Variants in NAALADL1 observed in about 807,000 individuals in gnomAD.
NAALADL1 encodes N-acetylated alpha-linked acidic dipeptidase like 1.
In NAALADL1, 77 loss-of-function variants were observed where a neutral mutation model predicts 82.8. The ratio of observed to expected loss-of-function variants is 0.93; its 90% CI spans 0.77 to 1.12. The LOEUF (loss-of-function observed/expected upper bound fraction) is 1.12, where lower values mean the gene tolerates loss of function less well. Ranked by LOEUF, NAALADL1 falls within the 50% of genes most tolerant of loss-of-function variation. The probability of loss-of-function intolerance (pLI) is 0.00; values close to 1 mark genes in which losing one functional copy is unlikely to be tolerated. For missense variants in NAALADL1, 956 were observed against 964.0 expected (o/e 0.99, Z 0.11); for synonymous variants, 358 against 399.2 (o/e 0.90, Z 1.23).
intron 4 of NAALADL1, among the ~76,000 whole-genome samples, chr11:65,056,997 G>A (rs937783883): frequency 2.6e-5 from 4 of 152,210 alleles, no homozygotes; most frequent in Non-Finnish European, 4.4e-5. Context: ...GATTATAGGC[G>A]TGAGCCACAG....
rs557669437 is a variant in NAALADL1, at chr11:65,053,699, T to C, written c.993-123A>G. 1.2e-6 allele frequency: 1 copy of C among 838,226 alleles called. No homozygotes were observed. The highest frequency in any genetic ancestry group is 1.8e-5 in the South Asian group (1 of 55,512). 51.9% of individuals were successfully genotyped at this position (838,226 alleles called of 1,614,324 possible). A position where few individuals can be genotyped will look rare whatever the true frequency, so the allele number is the denominator to read the frequency against. On this transcript the variant is annotated intron_variant, in intron 6 of 17. Coordinates refer to ENST00000358658, the MANE Select transcript of NAALADL1 (RefSeq NM_005468.3). The surrounding 1 kb of genome is among the most constrained non-coding windows in gnomAD (Gnocchi z 4.3). ...GCAAGGCCATTCATTGGCCCCGAAG[T>C]ACCAAGAGAGGCAGCAAGGCTGGAG... is the stretch of plus-strand genomic sequence containing the variant.
intron 11 of NAALADL1, 86 bp downstream of exon 11, chr11:65,047,895 C>A: frequency 7.8e-7 from 1 of 1,280,072 alleles, no homozygotes; most frequent in South Asian, 1.4e-5. Context: ...GTACCACTCC[C>A]CAGCCCCGCC....
intron 13 of NAALADL1, among the ~76,000 whole-genome samples, chr11:65,047,048 T>TGTGA (rs1946749467): frequency 1.5e-5 from 2 of 137,884 alleles, no homozygotes; most frequent in South Asian, 5.1e-4. Flanking sequence ...ATCTTACAAC[T>TGTGA]GGTTGGAAGC....
At position 65,047,564 on chromosome 11, in the gene NAALADL1, A is replaced by G. The variant is rs1214807729; in HGVS notation, c.1510T>C (p.Leu504=). ...TCGCTGCCAGCACCCAGAGAACCCA[A>G]GCTGCGGGAAGGAAGGGGGCCGGGA... The part of the protein sequence containing the change: ...SSPVYGLVPS[L]GSLGAGSDYA... The change falls in exon 13 of 18, where the codon TTG becomes CTG. Residue 504 remains leucine (L), a splice_region_variant and synonymous_variant. Transcript: ENST00000358658. The G allele has an allele frequency of 3.2e-6, 5 of 1,572,234 alleles. No homozygotes were observed. The highest frequency in any genetic ancestry group is 1.3e-5 in the African/African-American group (1 of 74,146).
Position 65,058,001 on chromosome 11 carries a change from T to C in NAALADL1, c.359-5A>G. The C allele has an allele frequency of 6.2e-7, 1 of 1,614,108 alleles. No homozygotes were observed. Among genetic ancestry groups the C allele is most frequent in the Non-Finnish European group, 8.5e-7 (1 of 1,179,978 alleles). ...TGATGCCCCCAGTGGGGCCCACTGT[T>C]GGAGGGGTGGCAGTATCATGGCTGG... is the stretch of plus-strand genomic sequence containing the variant. On this transcript the variant is annotated splice_polypyrimidine_tract_variant and splice_region_variant and intron_variant, in intron 2 of 17. Coordinates refer to ENST00000358658, the MANE Select transcript of NAALADL1 (RefSeq NM_005468.3).
chr11:65,051,418 C>T (rs149447440), intron 8 of NAALADL1, among the ~76,000 whole-genome samples: 2 of 142,644 alleles, frequency 1.4e-5, no homozygotes, highest in East Asian at 4.1e-4. Flanking sequence ...CTTACTGCAG[C>T]CTCAACCTCC....
chr11:65,053,308 C>T lies in NAALADL1; in HGVS notation c.1108G>A (p.Asp370Asn), dbSNP rs774906637. 57 of 1,563,668 alleles carry T rather than the reference C, an allele frequency of 3.6e-5. No homozygotes were observed. The change falls in exon 8 of 18, where the codon GAC becomes AAC. Residue 370 changes from aspartate to asparagine, a missense_variant. Transcript: ENST00000358658. This position sits in a 1 kb window ranked among gnomAD's most constrained non-coding sequence, Gnocchi z 4.3. ...DRYVLYGNHRDSWVHGAVDPS... is the reference protein window; with the variant it reads ...DRYVLYGNHRNSWVHGAVDPS... ...TCCACAGCCCCGTGCACCCAGCTGT[C>T]TCGGTGGTTCCCATACAGCACGTAG...
chr11:65,045,505 G>C, intron 17 of NAALADL1, 48 bp from the exon 18 acceptor site: 1 of 1,526,194 alleles, frequency 6.6e-7, no homozygotes, highest in South Asian at 1.3e-5. Flanking sequence ...TCAGGGGCCA[G>C]GAAAGAGAAG....
rs1946989350 is a variant in NAALADL1, at chr11:65,054,692, G to A, written c.650C>T (p.Thr217Ile). The change falls in exon 5 of 18, where the codon ACA (threonine) becomes ATA (isoleucine). Residue 217 changes from threonine to isoleucine, a missense_variant. Thr to Ile is a moderately conservative substitution (Grantham distance 89). Transcript: ENST00000358658. The surrounding 1 kb of genome is among the most constrained non-coding windows in gnomAD (Gnocchi z 4.3). ...KHGVAGVLVY[T>I]DPADINDGLS... is the part of the protein sequence containing the mutation. ...CCCATCGTTGATGTCGGCAGGGTCTGTGTACACCAGCACCCCAGCTACCCC... is the reference window on the plus strand; with the variant it reads ...CCCATCGTTGATGTCGGCAGGGTCTATGTACACCAGCACCCCAGCTACCCC... The A allele has an allele frequency of 5.0e-6, 8 of 1,614,130 alleles. No homozygotes were observed. The highest frequency in any genetic ancestry group is 4.2e-6 in the Non-Finnish European group (5 of 1,180,030).
intron 8 of NAALADL1, among the ~76,000 whole-genome samples, chr11:65,050,226 C>G (rs1430212733): frequency 1.3e-5 from 2 of 151,734 alleles, no homozygotes; most frequent in African/African-American, 2.4e-5. Context: ...CGCCTGTAAT[C>G]CCAGCACTTT....
At position 65,047,704 on chromosome 11, in the gene NAALADL1, TAGATGCTCAGGTCGCC is replaced by T. The variant is rs1002914066; in HGVS notation, c.1435_1450del (p.Gly479ThrfsTer92). On this transcript the variant is annotated frameshift_variant, in exon 12 of 18. Transcript: ENST00000358658. LOFTEE classifies it high-confidence loss of function. The stretch of plus-strand genomic sequence containing the variant: ...GTTGAAGTACCGGATCCAGTTGTCG[TAGATGCTCAGGTCGCC>T]AGGGCCTGGTGAGCGGATCTGGCCG... 1.2e-6 allele frequency: 2 copies of T among 1,607,608 alleles called. No homozygotes were observed. Among genetic ancestry groups the T allele is most frequent in the African/African-American group, 1.3e-5 (1 of 74,718 alleles).
rs1198669296 is a variant in NAALADL1 at position 65,053,646 on chromosome 11, C to T, written c.993-70G>A. ...TGCCCCCGACCCAGTGCAGGAGACA[C>T]TGAGGCCCGGAGCTGGAAAGTGACG... On this transcript the variant is annotated intron_variant, in intron 6 of 17. Coordinates refer to ENST00000358658, the MANE Select transcript of NAALADL1 (RefSeq NM_005468.3). The surrounding 1 kb of genome is among the most constrained non-coding windows in gnomAD (Gnocchi z 4.3). 1 of 1,364,430 alleles carries T rather than the reference C, an allele frequency of 7.3e-7. No individual in the cohort carries two copies. The highest frequency in any genetic ancestry group is 1.0e-6 in the Non-Finnish European group (1 of 999,512). The allele number at this position is 1,364,430 out of a possible 1,614,324, so 84.5% of individuals were successfully genotyped here.
Position 65,058,155 on chromosome 11 carries a change from A to C in NAALADL1, c.281T>G (p.Leu94Arg), listed in dbSNP as rs536362910. ...LQRWKDPESG[L>R]DSAEASTYEV... is the part of the protein sequence containing the mutation. ...GTACGTGGAGGCCTCGGCCGAGTCC[A>C]GGCCTGACTCTGGGTCCTTCCAGCG... The change falls in exon 2 of 18, where the codon CTG becomes CGG. Residue 94 changes from leucine (L) to arginine (R), a missense_variant. Physicochemically the swap from Leu to Arg is moderately radical, Grantham distance 102. Transcript: ENST00000358658. The C allele has an allele frequency of 2.0e-5, 33 of 1,613,898 alleles. No homozygotes were observed. The Admixed American group carries it at 5.2e-4, about 25-fold the overall frequency.
rs1286718677 is a variant in NAALADL1, at chr11:65,054,340, G to A, written c.902C>T (p.Thr301Ile). 2 of 1,614,120 alleles carry A rather than the reference G, an allele frequency of 1.2e-6. No homozygotes were observed. Among genetic ancestry groups the A allele is most frequent in the Non-Finnish European group, 1.7e-6 (2 of 1,180,010 alleles). Residue 301 changes from threonine (T) to isoleucine (I), a missense_variant, in exon 6 of 18, where the codon ACT (threonine) becomes ATT (isoleucine). By Grantham distance (89) the Thr-to-Ile change is moderately conservative. Transcript: ENST00000358658. This position sits in a 1 kb window ranked among gnomAD's most constrained non-coding sequence, Gnocchi z 4.3. ...ARDLLCNLNG[T>I]LAPATWQGAL... ...TCCCTGCCAGGTGGCTGGGGCCAAAGTTCCGTTGAGGTTACTGGGGAGGAG... is the reference window on the plus strand; with the variant it reads ...TCCCTGCCAGGTGGCTGGGGCCAAAATTCCGTTGAGGTTACTGGGGAGGAG...
intron 13 of NAALADL1, 35 bp downstream of exon 13, chr11:65,047,440 G>C: frequency 6.5e-7 from 1 of 1,531,202 alleles, no homozygotes; most frequent in Non-Finnish European, 8.8e-7. Context: ...CATGCAGCAA[G>C]GTACCGAGGC....
Position 65,046,356 on chromosome 11 carries a change from C to A in NAALADL1, c.1688G>T (p.Ser563Ile), listed in dbSNP as rs752010865. 1.9e-6 allele frequency: 3 copies of A among 1,614,134 alleles called. No homozygotes were observed. Among genetic ancestry groups the A allele is most frequent in the Non-Finnish European group, 2.5e-6 (3 of 1,180,060 alleles). ...YVDKFLDPGF[S>I]SHQAVARTAG... ...TGTCCGGGCCACAGCCTGATGGCTGCTGAAGCCTGCGGCAAGGTGACAAGG... is the reference window on the plus strand; with the variant it reads ...TGTCCGGGCCACAGCCTGATGGCTGATGAAGCCTGCGGCAAGGTGACAAGG... The change falls in exon 15 of 18, where the codon AGC (serine) becomes ATC (isoleucine). Residue 563 changes from serine (S) to isoleucine (I), a missense_variant. Physicochemically the swap from Ser to Ile is moderately radical, Grantham distance 142. Coordinates refer to ENST00000358658, the MANE Select transcript of NAALADL1 (RefSeq NM_005468.3).
chr11:65,047,983 CTT>C lies in NAALADL1; in HGVS notation c.1412_1413del (p.Lys471ArgfsTer61), dbSNP rs771323857. On this transcript the variant is annotated frameshift_variant, in exon 11 of 18. Transcript: ENST00000358658. LOFTEE classifies it high-confidence loss of function. Reference sequence around the variant, plus strand: ...CCGCCCGGCCTGCCCCCTTCCACCTCTTTGGTTGCAGAGAAGACGACGCTCTG... The same window carrying C: ...CCGCCCGGCCTGCCCCCTTCCACCTCTGGTTGCAGAGAAGACGACGCTCTG... ...PVQSVVFSAT[K>X]EIRSPGPGDL... The C allele has an allele frequency of 1.9e-6, 3 of 1,610,150 alleles. No homozygotes were observed. Among genetic ancestry groups the C allele is most frequent in the East Asian group, 4.5e-5 (2 of 44,680 alleles).
chr11:65,046,345 C>T lies in NAALADL1; in HGVS notation c.1699G>A (p.Ala567Thr). The T allele has an allele frequency of 6.2e-7, 1 of 1,614,262 alleles. No individual in the cohort carries two copies. The highest frequency in any genetic ancestry group is 8.5e-7 in the Non-Finnish European group (1 of 1,180,052). ...FLDPGFSSHQ[A>T]VARTAGSVIL... ...ACACTCCCCGCTGTCCGGGCCACAGCCTGATGGCTGCTGAAGCCTGCGGCA... is the reference window on the plus strand; with the variant it reads ...ACACTCCCCGCTGTCCGGGCCACAGTCTGATGGCTGCTGAAGCCTGCGGCA... The change falls in exon 15 of 18, where the codon GCT becomes ACT. Residue 567 changes from alanine to threonine, a missense_variant. Physicochemically the swap from Ala to Thr is moderately conservative, Grantham distance 58. Transcript: ENST00000358658.
Position 65,046,492 on chromosome 11 carries a change from T to C in NAALADL1, c.1634A>G (p.His545Arg). ...ATAGTCAAAGGTGTCAAAGGCTGTG[T>C]GGTAGGTGGGGTAGATCCTGGCTGA... Reference protein sequence around the residue: ...KTSARIYPTYHTAFDTFDYVD... With the variant: ...KTSARIYPTYRTAFDTFDYVD... The change falls in exon 14 of 18, where the codon CAC (histidine) becomes CGC (arginine). Residue 545 changes from histidine (H) to arginine (R), a missense_variant. Coordinates refer to ENST00000358658, the MANE Select transcript of NAALADL1 (RefSeq NM_005468.3). 6.2e-7 allele frequency: 1 copy of C among 1,614,080 alleles called. No homozygotes were observed. Among genetic ancestry groups the C allele is most frequent in the Non-Finnish European group, 8.5e-7 (1 of 1,180,012 alleles).
Sources: gnomAD v4.1 joint callset for allele counts (sites outside exome capture counted in the v4.1 genomes callset) on GRCh38, gnomAD v4.1.1 for gene constraint, Gnocchi (gnomAD v3.1) non-coding constraint, MANE v1.5 for transcripts, NCBI Gene and HGNC (gene_info 2026-07-23, HGNC 2026-07-21) for gene names.